The following MCTP1 variants were observed in gnomAD, a reference collection of about 807,000 sequenced individuals.
The protein encoded by MCTP1 is multiple C2 and transmembrane domain containing 1.
MCTP1 carries 69 observed loss-of-function variants against 120.6 expected under a neutral mutation model. That is an observed-to-expected ratio of 0.57 (90% CI 0.47 to 0.70). MCTP1 has a LOEUF of 0.70. Among genes scored for constraint, MCTP1 ranks in the 30% least tolerant of loss-of-function variants. The pLI, the probability that MCTP1 is intolerant of heterozygous loss-of-function variation, is 0.00. For synonymous variants in MCTP1, 529 were observed against 493.1 expected, an observed-to-expected ratio of 1.07 and a Z score of -0.96; for missense variants, 1,203 against 1,248.8, an observed-to-expected ratio of 0.96 and a Z score of 0.55.
At chr5:95,193,684 G>T (rs1750068679) in intron 1 of MCTP1, among the ~76,000 whole-genome samples, 2 of 152,050 alleles carry the variant, frequency 1.3e-5, no homozygotes, top group Admixed American at 1.3e-4. Flanking sequence ...GAGAATAAAG[G>T]CAAGATTAAG....
At position 94,947,577 on chromosome 5, in the gene MCTP1, T is replaced by TATATATAGAGAGAGAG; in HGVS notation, c.982-5151_982-5150insCTCTCTCTCTATATAT. 8.9e-4 allele frequency among the ~76,000 whole-genome samples: 42 copies of TATATATAGAGAGAGAG among 47,384 alleles called. 1 individual carries two copies. Among genetic ancestry groups the TATATATAGAGAGAGAG allele is most frequent in the East Asian group, 8.8e-4 (2 of 2,260 alleles). The allele number at this position is 47,384 out of a possible 152,430, so 31.1% of individuals were successfully genotyped here. On this transcript the variant is annotated intron_variant, in intron 3 of 22. Transcript: ENST00000515393. ...CTAAATATATATATATATATATATA[T>TATATATAGAGAGAGAG]AGAGAGAGAGAGAGAGAGAGAGAGA... is the stretch of plus-strand genomic sequence containing the variant.
chr5:95,041,558 T>C (rs990930292), intron 1 of MCTP1, among the ~76,000 whole-genome samples: 6 of 152,164 alleles, frequency 3.9e-5, no homozygotes, highest in Admixed American at 3.3e-4. Flanking sequence ...TTGTATTACT[T>C]ACTTCAAGTA....
At chr5:95,126,005 G>C (rs1345971645) in intron 1 of MCTP1, among the ~76,000 whole-genome samples, 1 of 152,090 alleles carries the variant, frequency 6.6e-6, no homozygotes, top group East Asian at 1.9e-4. Context: ...TTTCTTTCGT[G>C]CCTCTTTGTT....
At chr5:94,964,184 C>T (rs9885361) in intron 2 of MCTP1, among the ~76,000 whole-genome samples, 56,872 of 151,932 alleles carry the variant, frequency 0.37, 10,841 homozygotes, top group Middle Eastern at 0.43. Context: ...TATACTGTGG[C>T]TTTTGATTTT....
At chr5:94,897,479 C>T (rs112400180) in intron 10 of MCTP1, among the ~76,000 whole-genome samples, 5,068 of 152,176 alleles carry the variant, frequency 0.033, 307 homozygotes, top group African/African-American at 0.12. Flanking sequence ...GCCTCAGCCT[C>T]CCAAATAACT....
In MCTP1 at chr5:94,983,327, C is replaced by T. The variant is rs185325346; in HGVS notation, c.839-29966G>A. ...TTAAATGGTTGTTGTTTTAAGCTTG[C>T]GGAAATTAGTTACAAAGCAATAGAA... On this transcript the variant is annotated intron_variant, in intron 2 of 22. Coordinates refer to ENST00000515393, the MANE Select transcript of MCTP1 (RefSeq NM_024717.7). Among the ~76,000 whole-genome samples, 8 of 152,114 alleles carry T rather than the reference C, an allele frequency of 5.3e-5. No homozygotes were observed. The East Asian group carries it at 1.4e-3, about 26-fold the overall frequency.
At chr5:94,768,732 A>G (rs893249354) in intron 19 of MCTP1, among the ~76,000 whole-genome samples, 1 of 152,200 alleles carries the variant, frequency 6.6e-6, no homozygotes, top group Non-Finnish European at 1.5e-5. Context: ...AACACAAAAA[A>G]TAATGGATGT....
At chr5:95,249,561 A>G (rs1757172128) in intron 1 of MCTP1, among the ~76,000 whole-genome samples, 1 of 152,106 alleles carries the variant, frequency 6.6e-6, no homozygotes, top group Non-Finnish European at 1.5e-5. Flanking sequence ...TGTCGGTGGG[A>G]GTGTAAATTA....
intron 19 of MCTP1, among the ~76,000 whole-genome samples, chr5:94,764,025 A>T (rs1771961392): frequency 6.6e-6 from 1 of 152,168 alleles, no homozygotes; most frequent in Non-Finnish European, 1.5e-5. Flanking sequence ...TTTACACTAC[A>T]TGTCCATATG....
At chr5:94,797,857 A>G (rs967531056) in intron 18 of MCTP1, among the ~76,000 whole-genome samples, 12 of 152,060 alleles carry the variant, frequency 7.9e-5, no homozygotes, top group African/African-American at 2.9e-4. Flanking sequence ...TATTTTGAAG[A>G]ATTTTATATT....
intron 12 of MCTP1, among the ~76,000 whole-genome samples, chr5:94,885,750 G>A (rs1182998275): frequency 6.6e-6 from 1 of 152,058 alleles, no homozygotes. Flanking sequence ...CCTTTTCACT[G>A]GTTAGTTGAA....
intron 1 of MCTP1, among the ~76,000 whole-genome samples, chr5:95,116,312 T>TGAG (rs1757823306): frequency 8.8e-6 from 1 of 113,666 alleles, no homozygotes; most frequent in Admixed American, 9.1e-5. Context: ...AGAAAGATGA[T>TGAG]GAACCAATCA....
At chr5:94,974,935 A>G (rs1384260029) in intron 2 of MCTP1, among the ~76,000 whole-genome samples, 5 of 152,188 alleles carry the variant, frequency 3.3e-5, no homozygotes, top group African/African-American at 9.6e-5. Context: ...GACTATTCAT[A>G]TATTCACTTT....
intron 18 of MCTP1, among the ~76,000 whole-genome samples, chr5:94,786,200 G>A (rs1341445491): frequency 6.6e-6 from 1 of 152,160 alleles, no homozygotes; most frequent in Non-Finnish European, 1.5e-5. Context: ...CATAAAGAGG[G>A]TGAGTGGAAC....
chr5:94,985,543 T>A (rs1280622124), intron 2 of MCTP1, among the ~76,000 whole-genome samples: 2 of 152,168 alleles, frequency 1.3e-5, no homozygotes, highest in Non-Finnish European at 2.9e-5. Context: ...GTTCTGAAGA[T>A]CTTCACTTAA....
chr5:95,126,110 G>C (rs77199640), intron 1 of MCTP1, among the ~76,000 whole-genome samples: 5 of 152,104 alleles, frequency 3.3e-5, no homozygotes, highest in African/African-American at 1.2e-4. Flanking sequence ...TAGAGCTATG[G>C]GGGGAGAAAA....
At position 95,284,673 on chromosome 5, in the gene MCTP1, TGGCGGTGGC is replaced by T. The variant is rs988600239; in HGVS notation, c.-107_-99del. The T allele has an allele frequency of 9.7e-7, 1 of 1,032,280 alleles. No individual in the cohort carries two copies. The highest frequency in any genetic ancestry group is 1.3e-6 in the Non-Finnish European group (1 of 778,630). The allele number at this position is 1,032,280 out of a possible 1,614,324, so 63.9% of individuals were successfully genotyped here. ...ACCTCCTCCCGGGTCCCCGCGGCGC[TGGCGGTGGC>T]GGCGGCGGCGGCGGCGGGCGCAGCA... On this transcript the variant is annotated 5_prime_UTR_variant, in exon 1 of 23. Transcript: ENST00000515393. This position sits in a 1 kb window ranked among gnomAD's most constrained non-coding sequence, Gnocchi z 5.2.
chr5:95,225,108 T>G (rs1180862627), intron 1 of MCTP1, among the ~76,000 whole-genome samples: 1 of 152,156 alleles, frequency 6.6e-6, no homozygotes, highest in Non-Finnish European at 1.5e-5. Context: ...TCATCATTTC[T>G]CAGATAAGCA....
intron 1 of MCTP1, among the ~76,000 whole-genome samples, chr5:95,177,881 G>C (rs1013865336): frequency 6.6e-6 from 1 of 152,162 alleles, no homozygotes; most frequent in African/African-American, 2.4e-5. Flanking sequence ...AAATTGTAGA[G>C]GTAAAATAGG....
Sources: allele counts gnomAD v4.1 joint callset (sites outside exome capture counted in the v4.1 genomes callset), GRCh38; gene constraint gnomAD v4.1.1; non-coding constraint Gnocchi (gnomAD v3.1); transcripts MANE v1.5; gene names NCBI Gene and HGNC (gene_info 2026-07-23, HGNC 2026-07-21).